The following PDZRN3 variants were observed in gnomAD, a reference collection of about 807,000 sequenced individuals.
PDZRN3 encodes PDZ domain containing ring finger 3, also known as E3 ubiquitin-protein ligase PDZRN3.
PDZRN3 carries 38 observed loss-of-function variants against 85.7 expected under a neutral mutation model. The observed-to-expected ratio is 0.44, with a 90% confidence interval of 0.34 to 0.58. PDZRN3 has a LOEUF of 0.58. PDZRN3 is among the 20% of genes least tolerant of loss of function. The pLI, the probability that PDZRN3 is intolerant of heterozygous loss-of-function variation, is 0.01. For synonymous variants in PDZRN3, 759 were observed against 638.0 expected, an observed-to-expected ratio of 1.19 and a Z score of -2.86; for missense variants, 1,629 against 1,506.4, an observed-to-expected ratio of 1.08 and a Z score of -1.35.
chr3:73,562,983 T>TTTTATATATATA (rs1337607309), intron 3 of PDZRN3, among the ~76,000 whole-genome samples: 1 of 18,950 alleles, frequency 5.3e-5, no homozygotes, highest in East Asian at 4.8e-3. Flanking sequence ...AGTTGGCAAA[T>TTTTATATATATA]TATATATATA....
intron 3 of PDZRN3, among the ~76,000 whole-genome samples, chr3:73,559,768 T>C (rs557262338): frequency 3.5e-4 from 53 of 152,346 alleles, no homozygotes; most frequent in South Asian, 1.0e-3. Context: ...TGGTGGTGTC[T>C]GAATGACTGA....
chr3:73,494,534 G>A (rs1703831745), intron 3 of PDZRN3, among the ~76,000 whole-genome samples: 1 of 152,166 alleles, frequency 6.6e-6, no homozygotes, highest in South Asian at 2.1e-4. Flanking sequence ...TATATACCTA[G>A]TATAAAATTT....
In PDZRN3 at chr3:73,597,184, C is replaced by T. The variant is rs138491888; in HGVS notation, c.918+5170G>A. 3.9e-5 allele frequency among the ~76,000 whole-genome samples: 6 copies of T among 152,270 alleles called. No individual in the cohort carries two copies. The East Asian group carries it at 1.2e-3, about 29-fold the overall frequency. On this transcript the variant is annotated intron_variant, in intron 3 of 9. Coordinates refer to ENST00000263666, the MANE Select transcript of PDZRN3 (RefSeq NM_015009.3). ...TTAGTGGGTCTCAGAACAGTATCTT[C>T]TCACCTAATAATCACAAGCAGTGAA...
At chr3:73,431,739 G>A (rs1702435440) in intron 3 of PDZRN3, among the ~76,000 whole-genome samples, 1 of 152,150 alleles carries the variant, frequency 6.6e-6, no homozygotes, top group East Asian at 1.9e-4. Flanking sequence ...CCAGATGGAA[G>A]TCATTTATCA....
At chr3:73,583,509 C>G (rs1027778555) in intron 3 of PDZRN3, among the ~76,000 whole-genome samples, 2 of 152,174 alleles carry the variant, frequency 1.3e-5, no homozygotes, top group Admixed American at 1.3e-4. Context: ...CCAACACTAG[C>G]CCACTGTGAT....
intron 5 of PDZRN3, among the ~76,000 whole-genome samples, chr3:73,395,862 C>T (rs1701624717): frequency 6.6e-6 from 1 of 152,188 alleles, no homozygotes; most frequent in South Asian, 2.1e-4. Flanking sequence ...AAGGAATATA[C>T]AGTAAATGAG....
intron 3 of PDZRN3, among the ~76,000 whole-genome samples, chr3:73,405,502 C>G (rs13085430): frequency 1.3e-5 from 2 of 151,898 alleles, no homozygotes; most frequent in Non-Finnish European, 2.9e-5. Context: ...TAGTATTCCT[C>G]AAGTGGTTTG....
chr3:73,451,754 C>T (rs1702866178), intron 3 of PDZRN3, among the ~76,000 whole-genome samples: 1 of 152,120 alleles, frequency 6.6e-6, no homozygotes, highest in Admixed American at 6.5e-5. Flanking sequence ...CTTGCTGATG[C>T]CAAGTAACTC....
Position 73,522,033 on chromosome 3 carries a change from A to T in PDZRN3, c.918+80321T>A, listed in dbSNP as rs182392338. On this transcript the variant is annotated intron_variant, in intron 3 of 9. Transcript: ENST00000263666. ...GTGGTTGAAATAATAATATTTTATG[A>T]CATGTGAAAATTATATGAAATTCAA... 5.9e-5 allele frequency among the ~76,000 whole-genome samples: 9 copies of T among 152,346 alleles called. No individual in the cohort carries two copies. The East Asian group carries it at 1.5e-3, about 26-fold the overall frequency.
At chr3:73,510,413 G>A (rs1258024586) in intron 3 of PDZRN3, among the ~76,000 whole-genome samples, 5 of 152,130 alleles carry the variant, frequency 3.3e-5, no homozygotes, top group African/African-American at 1.2e-4. Flanking sequence ...ATGAAGGCTC[G>A]CAGCACCATT....
intron 1 of PDZRN3, 28 bp downstream of exon 1, chr3:73,624,075 G>A: frequency 2.1e-6 from 3 of 1,415,666 alleles, no homozygotes; most frequent in South Asian, 1.5e-5. Context: ...ATCCTGGCTG[G>A]AGGTCGGGGC....
intron 9 of PDZRN3, 80 bp downstream of exon 9, chr3:73,385,589 A>T: frequency 1.2e-6 from 1 of 829,918 alleles, no homozygotes; most frequent in Non-Finnish European, 2.0e-6. Context: ...GGTCTTTAGC[A>T]CCATAAAGGG....
At chr3:73,497,606 T>C (rs1211418042) in intron 3 of PDZRN3, among the ~76,000 whole-genome samples, 1 of 152,182 alleles carries the variant, frequency 6.6e-6, no homozygotes, top group East Asian at 1.9e-4. Context: ...CAAACGTATA[T>C]AAAAGTAGAG....
chr3:73,383,940 G>T lies in PDZRN3; in HGVS notation c.2626C>A (p.His876Asn). 1 of 1,605,736 alleles carries T rather than the reference G, an allele frequency of 6.2e-7. No homozygotes were observed. Among genetic ancestry groups the T allele is most frequent in the Non-Finnish European group, 8.5e-7 (1 of 1,176,386 alleles). ...SPYKHAHIPA[H>N]AQHYQSYMQL... Reference sequence around the variant, plus strand: ...ATGTAGCTCTGGTAGTGCTGGGCGTGCGCCGGGATGTGCGCGTGCTTGTAT... The same window carrying T: ...ATGTAGCTCTGGTAGTGCTGGGCGTTCGCCGGGATGTGCGCGTGCTTGTAT... Residue 876 changes from histidine (H) to asparagine (N), a missense_variant, in exon 10 of 10, where the codon CAC (histidine) becomes AAC (asparagine). Coordinates refer to ENST00000263666, the MANE Select transcript of PDZRN3 (RefSeq NM_015009.3).
At chr3:73,568,633 G>A (rs570190964) in intron 3 of PDZRN3, among the ~76,000 whole-genome samples, 15 of 152,256 alleles carry the variant, frequency 9.9e-5, no homozygotes, top group South Asian at 4.2e-4. Context: ...GGGGATTCCC[G>A]GGCAACTCGC....
intron 3 of PDZRN3, among the ~76,000 whole-genome samples, chr3:73,476,891 G>T (rs536574326): frequency 1.3e-5 from 2 of 152,130 alleles, no homozygotes; most frequent in South Asian, 4.1e-4. Context: ...GCAACCTCAT[G>T]GGACTACCCA....
Position 73,447,543 on chromosome 3 carries a change from T to C in PDZRN3, c.919-43148A>G, listed in dbSNP as rs77139678. 6.5e-3 allele frequency among the ~76,000 whole-genome samples: 993 copies of C among 152,296 alleles called. 13 individuals are homozygous for C. The highest frequency in any genetic ancestry group is 0.023 in the African/African-American group (946 of 41,568). On this transcript the variant is annotated intron_variant, in intron 3 of 9. Coordinates refer to ENST00000263666, the MANE Select transcript of PDZRN3 (RefSeq NM_015009.3). ...TTTGCCCTCTGCAATCCTTCCTCCA[T>C]AGCCGAACACACACTACTATAGCTG...
intron 3 of PDZRN3, among the ~76,000 whole-genome samples, chr3:73,596,891 A>G (rs9838797): frequency 0.49 from 74,328 of 151,986 alleles, 19,778 homozygotes; most frequent in East Asian, 0.66. Flanking sequence ...TGAATTTCCT[A>G]GTTTAGATTA....
intron 3 of PDZRN3, among the ~76,000 whole-genome samples, chr3:73,534,937 C>T: frequency 6.6e-6 from 1 of 152,080 alleles, no homozygotes; most frequent in Non-Finnish European, 1.5e-5. Context: ...ATTGCTCAGT[C>T]TATTTGCTGC....
Sources: gnomAD v4.1 joint callset for allele counts (sites outside exome capture counted in the v4.1 genomes callset) on GRCh38, gnomAD v4.1.1 for gene constraint, MANE v1.5 for transcripts, NCBI Gene and HGNC (gene_info 2026-07-23, HGNC 2026-07-21) for gene names.